DCC: variants seen among roughly 807,000 people sequenced by gnomAD.
DCC encodes DCC netrin 1 receptor, also known as netrin receptor DCC.
In DCC, 58 loss-of-function variants were observed where a neutral mutation model predicts 172.5. The observed-to-expected ratio is 0.34, with a 90% CI of 0.27 to 0.42. The LOEUF is 0.42. Ranked by LOEUF, DCC falls within the 10% of genes least tolerant of loss-of-function variation. DCC has a pLI of 1.00. For synonymous variants in DCC, 709 were observed against 644.5 expected (o/e 1.10, Z -1.52); for missense variants, 1,740 against 1,791.0 (o/e 0.97, Z 0.51).
At chr18:52,444,511 G>T (rs1988063463) in intron 1 of DCC, among the ~76,000 whole-genome samples, 1 of 152,164 alleles carries the variant, frequency 6.6e-6, no homozygotes, top group East Asian at 1.9e-4. Flanking sequence ...GAGCTAGAAG[G>T]TCGAGACAAA....
intron 1 of DCC, among the ~76,000 whole-genome samples, chr18:52,536,221 A>T (rs2032285475): frequency 6.6e-6 from 1 of 152,132 alleles, no homozygotes; most frequent in Non-Finnish European, 1.5e-5. Context: ...AGATTGTAAA[A>T]GGTCTCATAT....
At chr18:53,174,945 G>A (rs1360819656) in intron 8 of DCC, among the ~76,000 whole-genome samples, 1 of 152,096 alleles carries the variant, frequency 6.6e-6, no homozygotes, top group Non-Finnish European at 1.5e-5. Context: ...CTGGCAAAAC[G>A]AATCCATCAG....
intron 15 of DCC, among the ~76,000 whole-genome samples, chr18:53,351,466 G>GTATATA (rs58177961): frequency 8.0e-5 from 3 of 37,310 alleles, no homozygotes; most frequent in African/African-American, 3.5e-4. Context: ...TACACAGTGT[G>GTATATA]TATATATATA....
intron 13 of DCC, among the ~76,000 whole-genome samples, chr18:53,320,477 ATTAATTTT>A (rs1249369198): frequency 6.6e-6 from 1 of 152,154 alleles, no homozygotes; most frequent in Non-Finnish European, 1.5e-5. Context: ...TTCTCTCCCT[ATTAATTTT>A]TTAATTTCCC....
rs1024350398 is a variant in DCC, at chr18:52,368,043, C to A, written c.91+27165C>A. Among the ~76,000 whole-genome samples the A allele has an allele frequency of 2.0e-5, 3 of 152,096 alleles. 1 individual carries two copies. Among genetic ancestry groups the A allele is most frequent in the Non-Finnish European group, 1.5e-5 (1 of 68,022 alleles). On this transcript the variant is annotated intron_variant, in intron 1 of 28. Transcript: ENST00000442544. ...TGTGTGAACTTTGCAGGTTTTGGAC[C>A]TTTTCCACTCAGAAAGATCCTGCTG...
intron 2 of DCC, among the ~76,000 whole-genome samples, chr18:52,805,819 A>G (rs1438787068): frequency 6.6e-6 from 1 of 152,228 alleles, no homozygotes; most frequent in Non-Finnish European, 1.5e-5. Flanking sequence ...TGAGGATCTA[A>G]GACAATTTTC....
chr18:53,353,023 G>T (rs1037241505), intron 15 of DCC, among the ~76,000 whole-genome samples: 8 of 151,310 alleles, frequency 5.3e-5, no homozygotes, highest in Non-Finnish European at 2.9e-5. Flanking sequence ...TACATTTAAA[G>T]TGGGGTGGTT....
chr18:52,984,534 G>C (rs2041261959), intron 5 of DCC, among the ~76,000 whole-genome samples: 1 of 152,022 alleles, frequency 6.6e-6, no homozygotes, highest in Non-Finnish European at 1.5e-5. Context: ...CTTTGTATTA[G>C]TGTAAATATG....
intron 12 of DCC, among the ~76,000 whole-genome samples, chr18:53,264,225 A>G (rs2056640646): frequency 1.3e-5 from 2 of 152,154 alleles, no homozygotes; most frequent in South Asian, 4.1e-4. Flanking sequence ...GCGGTGGCTC[A>G]TGCCTGTAAT....
At chr18:53,165,564 C>T (rs1431624966) in intron 8 of DCC, among the ~76,000 whole-genome samples, 1 of 152,146 alleles carries the variant, frequency 6.6e-6, no homozygotes, top group East Asian at 1.9e-4. Context: ...TTCTTAGAGC[C>T]CCACTCTGCT....
intron 12 of DCC, among the ~76,000 whole-genome samples, chr18:53,285,700 C>T (rs774084976): frequency 2.0e-5 from 3 of 152,182 alleles, no homozygotes; most frequent in Non-Finnish European, 4.4e-5. Context: ...AATGGTATAA[C>T]CACTGACAGC....
intron 1 of DCC, among the ~76,000 whole-genome samples, chr18:52,680,953 G>A (rs933463559): frequency 1.3e-5 from 2 of 152,000 alleles, no homozygotes; most frequent in African/African-American, 4.8e-5. Flanking sequence ...GTTTTTACAT[G>A]GGTCCAACTA....
At chr18:53,394,454 A>G (rs1302856153) in intron 17 of DCC, among the ~76,000 whole-genome samples, 1 of 152,198 alleles carries the variant, frequency 6.6e-6, no homozygotes, top group Non-Finnish European at 1.5e-5. Flanking sequence ...TTGATTGTCT[A>G]AAACCCTGTA....
chr18:52,891,886 A>G (rs184872632), intron 2 of DCC, among the ~76,000 whole-genome samples: 95 of 152,118 alleles, frequency 6.2e-4, no homozygotes, highest in African/African-American at 2.1e-3. Context: ...TCTTGTATTC[A>G]CCACCACCAC....
chr18:53,156,486 CAAAAA>C (rs71175558), intron 7 of DCC, among the ~76,000 whole-genome samples: 4 of 96,848 alleles, frequency 4.1e-5, no homozygotes, highest in East Asian at 5.7e-4. Context: ...CCATCTCAAC[CAAAAA>C]AAAAAAAAAA....
chr18:53,231,315 G>A (rs1018315243), intron 12 of DCC, among the ~76,000 whole-genome samples: 1 of 151,982 alleles, frequency 6.6e-6, no homozygotes, highest in African/African-American at 2.4e-5. Flanking sequence ...TTCTGAATGT[G>A]CTCTTGGCTC....
chr18:53,001,438 AC>A (rs2041563272), intron 5 of DCC, among the ~76,000 whole-genome samples: 1 of 152,130 alleles, frequency 6.6e-6, no homozygotes, highest in African/African-American at 2.4e-5. Flanking sequence ...CTAAATAAAA[AC>A]GTTCATAACC....
intron 5 of DCC, among the ~76,000 whole-genome samples, chr18:52,955,495 G>C (rs1023681243): frequency 2.6e-5 from 4 of 152,034 alleles, no homozygotes; most frequent in Non-Finnish European, 5.9e-5. Context: ...ATTGTGAATA[G>C]AGTTTCTATA....
chr18:52,649,753 C>T (rs1379609575), intron 1 of DCC, among the ~76,000 whole-genome samples: 1 of 151,970 alleles, frequency 6.6e-6, no homozygotes, highest in African/African-American at 2.4e-5. Flanking sequence ...TTTTTATGAC[C>T]AAATTGTATT....
Sources: gnomAD v4.1 joint callset for allele counts (sites outside exome capture counted in the v4.1 genomes callset) on GRCh38, gnomAD v4.1.1 for gene constraint, MANE v1.5 for transcripts, NCBI Gene and HGNC (gene_info 2026-07-23, HGNC 2026-07-21) for gene names.